FOXP2: variants seen among roughly 807,000 people sequenced by gnomAD.
FOXP2 encodes forkhead box P2.
Under a neutral mutation model 115.8 loss-of-function variants are expected in FOXP2, and 12 were observed. The observed-to-expected ratio is 0.10, with a 90% CI of 0.07 to 0.17. The LOEUF is 0.17. Ranked by LOEUF, FOXP2 falls within the 10% of genes least tolerant of loss-of-function variation. FOXP2 has a pLI of 1.00. For synonymous variants in FOXP2, 328 were observed against 297.7 expected (o/e 1.10, Z -1.05); for missense variants, 629 against 843.5 (o/e 0.75, Z 3.15).
intron 16 of FOXP2, among the ~76,000 whole-genome samples, chr7:114,673,112 G>A (rs1807582204): frequency 6.6e-6 from 1 of 152,180 alleles, no homozygotes; most frequent in African/African-American, 2.4e-5. Context: ...ACAATTTTTG[G>A]ATTAATGATT....
chr7:114,664,772 T>C (rs1807076487), intron 16 of FOXP2: 2 of 313,700 alleles, frequency 6.4e-6, no homozygotes, highest in East Asian at 1.6e-4. Context: ...ATAAGAATAT[T>C]CATGATGGAA....
upstream of FOXP2, among the ~76,000 whole-genome samples, chr7:114,087,102 C>CG (rs1162180875): frequency 2.0e-5 from 3 of 152,106 alleles, no homozygotes; most frequent in African/African-American, 4.8e-5. Context: ...AAACATCTGG[C>CG]GGTTAGAAGC....
intron 2 of FOXP2, among the ~76,000 whole-genome samples, chr7:114,480,754 CGTATATAT>C (rs1796500612): frequency 6.7e-6 from 1 of 149,288 alleles, no homozygotes; most frequent in Non-Finnish European, 1.5e-5. Flanking sequence ...TGTATGTATA[CGTATATAT>C]ATACGTATAC....
At chr7:114,377,985 A>T (rs111360918) in intron 2 of FOXP2, among the ~76,000 whole-genome samples, 3 of 152,056 alleles carry the variant, frequency 2.0e-5, no homozygotes, top group African/African-American at 7.2e-5. Context: ...CCTCTCCTTA[A>T]GTAGTCTCTA....
chr7:114,542,426 T>A (rs1299533847), intron 3 of FOXP2, among the ~76,000 whole-genome samples: 2 of 152,180 alleles, frequency 1.3e-5, no homozygotes, highest in African/African-American at 2.4e-5. Flanking sequence ...GGAGTTTCAA[T>A]AGGAAAGCAC....
At chr7:114,453,663 G>A (rs1036868013) in intron 2 of FOXP2, among the ~76,000 whole-genome samples, 4 of 151,986 alleles carry the variant, frequency 2.6e-5, no homozygotes, top group African/African-American at 9.7e-5. Context: ...TTCTTTGGCA[G>A]CATTTGTCCC....
At chr7:114,106,295 G>A (rs1219095364) in intron 1 of FOXP2, among the ~76,000 whole-genome samples, 1 of 150,992 alleles carries the variant, frequency 6.6e-6, no homozygotes, top group East Asian at 1.9e-4. Flanking sequence ...CCAGGTAGAT[G>A]CCCTCCCTTT....
chr7:114,203,417 C>G (rs1473234582), intron 1 of FOXP2, among the ~76,000 whole-genome samples: 1 of 152,204 alleles, frequency 6.6e-6, no homozygotes, highest in African/African-American at 2.4e-5. Flanking sequence ...ACTGCAACTT[C>G]TGTCTCCAGG....
chr7:114,631,756 C>A, intron 6 of FOXP2, 51 bp downstream of exon 6: 1 of 1,582,506 alleles, frequency 6.3e-7, no homozygotes, highest in Non-Finnish European at 8.7e-7. Flanking sequence ...TACTTTCTAC[C>A]ATTTCATGGC....
At chr7:114,507,739 G>A (rs1797891237) in intron 2 of FOXP2, among the ~76,000 whole-genome samples, 1 of 151,850 alleles carries the variant, frequency 6.6e-6, no homozygotes. Flanking sequence ...CATAAGGAAA[G>A]CAAACTCCCC....
At chr7:114,210,119 G>A (rs924497932) in intron 1 of FOXP2, among the ~76,000 whole-genome samples, 2 of 152,308 alleles carry the variant, frequency 1.3e-5, no homozygotes, top group Non-Finnish European at 2.9e-5. Flanking sequence ...ACCTTAGCAA[G>A]CCTACTTCTG....
chr7:114,674,873 C>T (rs186471874), intron 16 of FOXP2, among the ~76,000 whole-genome samples: 8 of 152,190 alleles, frequency 5.3e-5, no homozygotes, highest in Non-Finnish European at 1.0e-4. Flanking sequence ...TTATTTATGA[C>T]TGTATAATTA....
intron 1 of FOXP2, among the ~76,000 whole-genome samples, chr7:114,242,247 A>G (rs1234701584): frequency 6.6e-6 from 1 of 152,010 alleles, no homozygotes; most frequent in Non-Finnish European, 1.5e-5. Flanking sequence ...TATATGAAAG[A>G]TGTTTAAATC....
At chr7:114,290,530 TATC>T (rs1219267768) in intron 2 of FOXP2, among the ~76,000 whole-genome samples, 20 of 152,098 alleles carry the variant, frequency 1.3e-4, no homozygotes, top group Non-Finnish European at 2.1e-4. Flanking sequence ...AAAGATTAGG[TATC>T]ATATGAAAAA....
chr7:114,140,644 A>G (rs1792181666), intron 1 of FOXP2, among the ~76,000 whole-genome samples: 1 of 152,244 alleles, frequency 6.6e-6, no homozygotes, highest in Non-Finnish European at 1.5e-5. Context: ...GTTACAGTTA[A>G]CATTCTAAAT....
At chr7:114,200,150 C>T (rs979577059) in intron 1 of FOXP2, among the ~76,000 whole-genome samples, 8 of 152,286 alleles carry the variant, frequency 5.3e-5, no homozygotes, top group African/African-American at 1.4e-4. Flanking sequence ...GTAGCCATCA[C>T]CAAATAACTT....
At chr7:114,150,068 A>G (rs890189210) in intron 1 of FOXP2, among the ~76,000 whole-genome samples, 2 of 152,140 alleles carry the variant, frequency 1.3e-5, no homozygotes, top group South Asian at 2.1e-4. Context: ...GACTAGATAT[A>G]TTAATACGTT....
At chr7:114,489,817 T>C (rs1796951354) in intron 2 of FOXP2, among the ~76,000 whole-genome samples, 1 of 152,056 alleles carries the variant, frequency 6.6e-6, no homozygotes, top group African/African-American at 2.4e-5. Context: ...CAAGTAAGTA[T>C]ATGAAAAGAT....
intron 2 of FOXP2, among the ~76,000 whole-genome samples, chr7:114,484,820 C>A (rs1301866207): frequency 6.6e-6 from 1 of 151,816 alleles, no homozygotes; most frequent in Non-Finnish European, 1.5e-5. Flanking sequence ...AAATCATTAT[C>A]TATTCTACAT....
Sources: allele counts gnomAD v4.1 joint callset (sites outside exome capture counted in the v4.1 genomes callset), GRCh38; gene constraint gnomAD v4.1.1; transcripts MANE v1.5; gene names NCBI Gene and HGNC (gene_info 2026-07-23, HGNC 2026-07-21).